Variants in RBFOX1 observed in about 807,000 individuals in gnomAD.
RBFOX1 encodes the protein RNA binding fox-1 homolog 1, also known as RNA binding protein fox-1 homolog 1.
In RBFOX1, 8 loss-of-function variants were observed where a neutral mutation model predicts 57.7. The ratio of observed to expected loss-of-function variants is 0.14; its 90% CI spans 0.08 to 0.25. RBFOX1 has a LOEUF of 0.25. Ranked by LOEUF, RBFOX1 falls within the 10% of genes least tolerant of loss-of-function variation. RBFOX1 has a pLI of 1.00. For synonymous variants in RBFOX1, 326 were observed against 222.4 expected, an observed-to-expected ratio of 1.47 and a Z score of -4.15; for missense variants, 611 against 548.5, an observed-to-expected ratio of 1.11 and a Z score of -1.14.
intron 4 of RBFOX1, among the ~76,000 whole-genome samples, chr16:7,379,714 ATTCC>A (rs890243296): frequency 3.4e-5 from 5 of 146,756 alleles, no homozygotes; most frequent in African/African-American, 4.9e-5. Flanking sequence ...AACTACAGGA[ATTCC>A]TTCCTTCCTT....
intron 2 of RBFOX1, among the ~76,000 whole-genome samples, chr16:5,517,212 G>C (rs2043824840): frequency 6.6e-6 from 1 of 152,136 alleles, no homozygotes; most frequent in African/African-American, 2.4e-5. Flanking sequence ...AAGGAGATTG[G>C]TGTATCTCAC....
chr16:5,389,733 T>C lies in RBFOX1; in HGVS notation c.220-77483T>C, dbSNP rs376359386. Among the ~76,000 whole-genome samples, 4 of 152,110 alleles carry C rather than the reference T, an allele frequency of 2.6e-5. No homozygotes were observed. The East Asian group carries it at 5.8e-4, about 22-fold the overall frequency. On this transcript the variant is annotated intron_variant, in intron 1 of 2. Coordinates refer to the RBFOX1 transcript ENST00000585867. ...TTTATTTTAAGATGGAGTCTCTCAC[T>C]GTTGCCCAGGCTGGAGTGCAGTGGC...
intron 4 of RBFOX1, among the ~76,000 whole-genome samples, chr16:7,512,669 C>T (rs2075411656): frequency 6.6e-6 from 1 of 152,196 alleles, no homozygotes; most frequent in African/African-American, 2.4e-5. Context: ...GCCAGAATTG[C>T]ACAACTCATG....
At chr16:6,959,105 A>C (rs1252174871) in intron 3 of RBFOX1, among the ~76,000 whole-genome samples, 1 of 152,084 alleles carries the variant, frequency 6.6e-6, no homozygotes, top group Non-Finnish European at 1.5e-5. Context: ...TCTTTTTTCT[A>C]TCGGCTTTGT....
chr16:5,595,849 TAAG>T (rs2047162881), intron 2 of RBFOX1, among the ~76,000 whole-genome samples: 1 of 152,106 alleles, frequency 6.6e-6, no homozygotes, highest in Non-Finnish European at 1.5e-5. Context: ...GGGACTGCGT[TAAG>T]AAGGAGGGTG....
intron 4 of RBFOX1, among the ~76,000 whole-genome samples, chr16:7,408,711 A>G (rs554491163): frequency 6.6e-6 from 1 of 152,346 alleles, no homozygotes; most frequent in South Asian, 2.1e-4. Flanking sequence ...ATAGGTAGAC[A>G]TCCCATGCAT....
intron 1 of RBFOX1, among the ~76,000 whole-genome samples, chr16:6,260,283 T>C (rs1341623141): frequency 6.6e-6 from 1 of 152,086 alleles, no homozygotes; most frequent in Non-Finnish European, 1.5e-5. Context: ...ATGACTTTGG[T>C]TTATGAATGT....
intron 3 of RBFOX1, among the ~76,000 whole-genome samples, chr16:6,689,627 C>T (rs1353694994): frequency 1.3e-5 from 2 of 152,112 alleles, no homozygotes. Context: ...TATTTTATAT[C>T]TTCCTGAATG....
chr16:5,756,911 A>G (rs570704795), intron 3 of RBFOX1, among the ~76,000 whole-genome samples: 2 of 152,348 alleles, frequency 1.3e-5, no homozygotes, highest in East Asian at 1.9e-4. Context: ...TAAGGGTTCT[A>G]CAAGATGATG....
intron 3 of RBFOX1, among the ~76,000 whole-genome samples, chr16:6,870,942 A>T (rs2060757796): frequency 6.6e-6 from 1 of 152,134 alleles, no homozygotes; most frequent in African/African-American, 2.4e-5. Flanking sequence ...TTCTATCCGT[A>T]AGTGTCCATA....
In RBFOX1 at chr16:7,378,712, G is replaced by T. The variant is rs371503387; in HGVS notation, c.28-139435G>T. Among the ~76,000 whole-genome samples, 5 of 152,126 alleles carry T rather than the reference G, an allele frequency of 3.3e-5. No homozygotes were observed. In the East Asian group the frequency reaches 5.8e-4, roughly 18 times the overall value. ...AGGCACTTCCTTTTTCCCTGCATCC[G>T]CCAAACCCTGGTGAGCTTTCTGCTG... On this transcript the variant is annotated intron_variant, in intron 4 of 15. Coordinates refer to ENST00000550418, the MANE Select transcript of RBFOX1 (RefSeq NM_018723.4).
intron 3 of RBFOX1, among the ~76,000 whole-genome samples, chr16:6,956,401 C>G (rs557082025): frequency 2.4e-4 from 37 of 152,330 alleles, no homozygotes; most frequent in African/African-American, 7.9e-4. Context: ...AATGAGCAGG[C>G]TCCGCTGTCT....
intron 4 of RBFOX1, among the ~76,000 whole-genome samples, chr16:7,403,913 T>TA (rs2098287946): frequency 6.7e-6 from 1 of 149,572 alleles, no homozygotes; most frequent in East Asian, 1.9e-4. Flanking sequence ...TATTATTCTT[T>TA]TATATATATA....
chr16:5,480,616 A>G (rs8054024), intron 2 of RBFOX1, among the ~76,000 whole-genome samples: 54,336 of 152,132 alleles, frequency 0.36, 9,938 homozygotes, highest in Middle Eastern at 0.49. Context: ...TCTTTGTAGA[A>G]AATTCACCCA....
At chr16:7,029,738 A>G (rs2042308204) in intron 3 of RBFOX1, among the ~76,000 whole-genome samples, 1 of 152,198 alleles carries the variant, frequency 6.6e-6, no homozygotes, top group Admixed American at 6.5e-5. Flanking sequence ...TGGTGTAACC[A>G]CTATTAATGG....
chr16:7,352,033 C>T (rs1425848232), intron 4 of RBFOX1, among the ~76,000 whole-genome samples: 1 of 152,166 alleles, frequency 6.6e-6, no homozygotes, highest in African/African-American at 2.4e-5. Context: ...CTTGGGGTGG[C>T]TGAGAGTTTC....
chr16:6,972,887 G>A (rs1242930044), intron 3 of RBFOX1, among the ~76,000 whole-genome samples: 3 of 152,162 alleles, frequency 2.0e-5, no homozygotes, highest in African/African-American at 4.8e-5. Flanking sequence ...ACTTTGGGAG[G>A]CTGAAGTGGG....
intron 3 of RBFOX1, among the ~76,000 whole-genome samples, chr16:6,834,739 A>C (rs1205918327): frequency 6.6e-6 from 1 of 152,082 alleles, no homozygotes; most frequent in African/African-American, 2.4e-5. Context: ...CTGACCTGCG[A>C]CTGCTCGTGA....
intron 4 of RBFOX1, among the ~76,000 whole-genome samples, chr16:5,882,449 T>G (rs1415274017): frequency 3.3e-5 from 5 of 152,150 alleles, no homozygotes; most frequent in Admixed American, 3.3e-4. Context: ...AGTCACTTGG[T>G]CTCATAAACT....
Sources: allele counts gnomAD v4.1 joint callset (sites outside exome capture counted in the v4.1 genomes callset), GRCh38; gene constraint gnomAD v4.1.1; transcripts MANE v1.5; gene names NCBI Gene and HGNC (gene_info 2026-07-23, HGNC 2026-07-21).